The following PLB1 variants were observed in gnomAD, a reference collection of about 807,000 sequenced individuals.
The protein encoded by PLB1 is phospholipase B1, membrane-associated.
A neutral mutation model predicts 227.4 loss-of-function variants in PLB1; 242 were observed. That is an observed-to-expected ratio of 1.06 (90% CI 0.96 to 1.18). The LOEUF is 1.18. PLB1 is among the 50% of genes most tolerant of loss of function. The pLI, the probability that PLB1 is intolerant of heterozygous loss-of-function variation, is 0.00. For synonymous variants in PLB1, 757 were observed against 682.2 expected (o/e 1.11, Z -1.71); for missense variants, 1,858 against 1,816.3 (o/e 1.02, Z -0.42).
rs962467128 is a variant in PLB1, at chr2:28,565,482, C to G, written c.1280+129C>G. Reference sequence around the variant, plus strand: ...TTTTGTTCTTTTCTATGACCAACTTCTAGGTTTAATTTGAAAAAGGTATTC... The same window carrying G: ...TTTTGTTCTTTTCTATGACCAACTTGTAGGTTTAATTTGAAAAAGGTATTC... On this transcript the variant is annotated intron_variant, in intron 19 of 57. Transcript: ENST00000327757. The G allele has an allele frequency of 3.9e-6, 3 of 762,020 alleles. No individual in the cohort carries two copies. In the East Asian group the frequency reaches 8.2e-5, roughly 21 times the overall value. 47.2% of individuals were successfully genotyped at this position (762,020 alleles called of 1,614,324 possible). A position where few individuals can be genotyped will look rare whatever the true frequency, so the allele number is the denominator to read the frequency against.
intron 25 of PLB1, among the ~76,000 whole-genome samples, chr2:28,584,420 G>A (rs1680560905): frequency 6.6e-6 from 1 of 152,196 alleles, no homozygotes; most frequent in African/African-American, 2.4e-5. Flanking sequence ...ATTTCCAACT[G>A]CTGACTCATC....
Position 28,629,081 on chromosome 2 carries a change from C to T in PLB1, c.3727-13C>T. On this transcript the variant is annotated splice_polypyrimidine_tract_variant and intron_variant, in intron 52 of 57. Transcript: ENST00000327757. The stretch of plus-strand genomic sequence containing the variant: ...GCCAGTGCCCTAACGAAACCACCCT[C>T]CACTCCCTGCAGCTCCCAAGGGCTT... 1 of 1,611,644 alleles carries T rather than the reference C, an allele frequency of 6.2e-7. No homozygotes were observed. The highest frequency in any genetic ancestry group is 1.7e-4 in the Middle Eastern group (1 of 6,044).
chr2:28,600,693 C>G (rs1217472367), intron 35 of PLB1, 116 bp from the exon 36 acceptor site: 1 of 910,064 alleles, frequency 1.1e-6, no homozygotes, highest in Non-Finnish European at 1.7e-6. Context: ...GCCTCGGGAT[C>G]TCTGCCAGCT....
In PLB1 at chr2:28,642,843, GCTC is replaced by G. The variant is rs749877775; in HGVS notation, c.4174-7_4174-5del. Reference sequence around the variant, plus strand: ...ACGGAGATCCTTTCCACTGACCCCCGCTCCTCCTCCACAGGAGAGCCCTTACCT... The same window carrying G: ...ACGGAGATCCTTTCCACTGACCCCCGCTCCTCCACAGGAGAGCCCTTACCT... On this transcript the variant is annotated splice_polypyrimidine_tract_variant and intron_variant, in intron 57 of 57. Transcript: ENST00000327757. 6.4e-7 allele frequency: 1 copy of G among 1,570,196 alleles called. No individual in the cohort carries two copies. Among genetic ancestry groups the G allele is most frequent in the South Asian group, 1.2e-5 (1 of 86,096 alleles).
chr2:28,564,793 G>A (rs1325831645), intron 18 of PLB1, among the ~76,000 whole-genome samples: 1 of 152,220 alleles, frequency 6.6e-6, no homozygotes, highest in Non-Finnish European at 1.5e-5. Context: ...ACACGCACCT[G>A]GAGAGTGTCC....
intron 10 of PLB1, 105 bp downstream of exon 10, chr2:28,538,486 C>T: frequency 9.5e-7 from 1 of 1,058,026 alleles, no homozygotes; most frequent in Non-Finnish European, 1.4e-6. Context: ...GAGACTGGGA[C>T]CCTCGGGAAA....
intron 16 of PLB1, among the ~76,000 whole-genome samples, chr2:28,550,632 C>G (rs779964549): frequency 1.3e-5 from 2 of 151,234 alleles, no homozygotes; most frequent in African/African-American, 2.4e-5. Context: ...CCTTAGCCTC[C>G]TGGGTTCAAG....
intron 49 of PLB1, among the ~76,000 whole-genome samples, chr2:28,624,686 A>T (rs11679568): frequency 0.43 from 65,051 of 152,132 alleles, 14,650 homozygotes; most frequent in East Asian, 0.9. Flanking sequence ...GGGATAATTG[A>T]GAGCTGTGAC....
At position 28,525,274 on chromosome 2, in the gene PLB1, AC is replaced by A; in HGVS notation, c.254del (p.Pro85GlnfsTer22). 6.2e-7 allele frequency: 1 copy of A among 1,613,504 alleles called. No homozygotes were observed. Among genetic ancestry groups the A allele is most frequent in the Non-Finnish European group, 8.5e-7 (1 of 1,179,936 alleles). ...AAIGNLEIPP[D>X]PGTGDLEKQD... ...ATTGAGTATCTATTCCAGCCTCCAG[AC>A]CCAGGGACGGGCGATCTGGAGAAGC... On this transcript the variant is annotated frameshift_variant, in exon 5 of 58. Coordinates refer to ENST00000327757, the MANE Select transcript of PLB1 (RefSeq NM_153021.5). LOFTEE classifies it high-confidence loss of function.
In PLB1 at chr2:28,620,655, C is replaced by T; in HGVS notation, c.3427+12C>T. Reference sequence around the variant, plus strand: ...CACCACACTGCCCAGTAAGTAGCAGCCCAGAGAGGCACCATCACTGTGGCC... The same window carrying T: ...CACCACACTGCCCAGTAAGTAGCAGTCCAGAGAGGCACCATCACTGTGGCC... On this transcript the variant is annotated intron_variant, in intron 48 of 57. Transcript: ENST00000327757. The T allele has an allele frequency of 6.2e-7, 1 of 1,613,782 alleles. No individual in the cohort carries two copies. Among genetic ancestry groups the T allele is most frequent in the Non-Finnish European group, 8.5e-7 (1 of 1,179,898 alleles).
chr2:28,522,354 T>C (rs1373080682), intron 4 of PLB1, among the ~76,000 whole-genome samples: 4 of 152,010 alleles, frequency 2.6e-5, no homozygotes, highest in Non-Finnish European at 5.9e-5. Context: ...CTCTTATCGA[T>C]GCTGATGGTT....
At chr2:28,545,994 T>TCCTC (rs907603462) in intron 14 of PLB1, among the ~76,000 whole-genome samples, 9 of 152,018 alleles carry the variant, frequency 5.9e-5, no homozygotes, top group Non-Finnish European at 1.3e-4. Context: ...CACGTCAGCA[T>TCCTC]CCTCCCTCCC....
Position 28,618,398 on chromosome 2 carries a change from C to T in PLB1, c.3314C>T (p.Thr1105Ile), listed in dbSNP as rs1553459483. 2 of 1,614,054 alleles carry T rather than the reference C, an allele frequency of 1.2e-6. No individual in the cohort carries two copies. The highest frequency in any genetic ancestry group is 1.1e-5 in the South Asian group (1 of 91,082). ...GTGGCCGCCCTGGGTGACTCTCTGA[C>T]TGTGAGTAGTGAGCCATGAACCAGG... ...KVVAALGDSL[T>I]TAVGARPNNS... is the part of the protein sequence containing the mutation. The change falls in exon 46 of 58, where the codon ACT becomes ATT. Residue 1105 changes from threonine (T) to isoleucine (I), a missense_variant and splice_region_variant. Thr to Ile is a moderately conservative substitution (Grantham distance 89). Coordinates refer to ENST00000327757, the MANE Select transcript of PLB1 (RefSeq NM_153021.5).
At chr2:28,513,783 C>T (rs1668535688) in intron 1 of PLB1, among the ~76,000 whole-genome samples, 1 of 152,198 alleles carries the variant, frequency 6.6e-6, no homozygotes, top group Non-Finnish European at 1.5e-5. Flanking sequence ...ATGTGGGGCT[C>T]CACCTGTTGT....
At chr2:28,591,813 T>C in intron 31 of PLB1, 53 bp downstream of exon 31, 2 of 1,542,446 alleles carry the variant, frequency 1.3e-6, no homozygotes, top group South Asian at 1.1e-5. Flanking sequence ...GGGGCTGCTA[T>C]GCTGGTGAGT....
intron 53 of PLB1, among the ~76,000 whole-genome samples, chr2:28,630,203 T>A (rs959927250): frequency 6.6e-6 from 1 of 152,084 alleles, no homozygotes; most frequent in East Asian, 1.9e-4. Context: ...GACAGAGCCA[T>A]TGTGGCTGGT....
chr2:28,612,858 G>A (rs1430492704), intron 43 of PLB1, among the ~76,000 whole-genome samples: 1 of 145,148 alleles, frequency 6.9e-6, no homozygotes, highest in African/African-American at 2.6e-5. Context: ...CTCATGTGAT[G>A]AACCCCCCCT....
chr2:28,524,715 A>C (rs1025659685), intron 4 of PLB1, among the ~76,000 whole-genome samples: 2 of 152,198 alleles, frequency 1.3e-5, no homozygotes, highest in Non-Finnish European at 2.9e-5. Context: ...TTGAAATCTA[A>C]GTGGAGGAAA....
chr2:28,589,617 G>A (rs1573223612), intron 27 of PLB1, 58 bp from the exon 28 acceptor site: 3 of 1,607,394 alleles, frequency 1.9e-6, no homozygotes, highest in African/African-American at 1.3e-5. Flanking sequence ...GTTTCTGAGT[G>A]TCACTTATAT....
Sources: gnomAD v4.1 joint callset for allele counts (sites outside exome capture counted in the v4.1 genomes callset) on GRCh38, gnomAD v4.1.1 for gene constraint, MANE v1.5 for transcripts, NCBI Gene and HGNC (gene_info 2026-07-23, HGNC 2026-07-21) for gene names.